IL1RAPL2: variants seen among roughly 807,000 people sequenced by gnomAD.
The protein encoded by IL1RAPL2 is interleukin 1 receptor accessory protein like 2.
Under a neutral mutation model 44.1 loss-of-function variants are expected in IL1RAPL2, and 3 were observed. That is an observed-to-expected ratio of 0.07 (90% CI 0.03 to 0.18). The LOEUF (loss-of-function observed/expected upper bound fraction) is 0.18, where lower values mean the gene tolerates loss of function less well. Among genes scored for constraint, IL1RAPL2 ranks in the 10% least tolerant of loss-of-function variants. IL1RAPL2 has a pLI of 1.00. For missense variants in IL1RAPL2, 391 were observed against 496.4 expected (o/e 0.79, Z 2.02); for synonymous variants, 181 against 178.8 (o/e 1.01, Z -0.10).
intron 2 of IL1RAPL2, among the ~76,000 whole-genome samples, chrX:105,144,576 C>A (rs1293297537): frequency 9.0e-6 from 1 of 111,470 alleles, no homozygotes; most frequent in East Asian, 2.8e-4. Flanking sequence ...CTATCACTCA[C>A]CATCTTCTTA....
At chrX:105,394,751 CT>C (rs1311401843) in intron 5 of IL1RAPL2, among the ~76,000 whole-genome samples, 2 of 111,285 alleles carry the variant, frequency 1.8e-5, no homozygotes, top group South Asian at 7.5e-4. Context: ...TTCTGTTCTG[CT>C]TAACCTGATT....
chrX:105,614,488 T>C lies in IL1RAPL2; in HGVS notation c.773-102879T>C, dbSNP rs916553587. Among the ~76,000 whole-genome samples, 5 of 111,218 alleles carry C rather than the reference T, an allele frequency of 4.5e-5. No homozygotes were observed. The Admixed American group carries it at 4.8e-4, about 11-fold the overall frequency. ...GGACCCATAGATCAGTGGACCAGAA[T>C]AGAGGACCCAGAAATTTACATCCAC... On this transcript the variant is annotated intron_variant, in intron 6 of 10. Coordinates refer to ENST00000372582, the MANE Select transcript of IL1RAPL2 (RefSeq NM_017416.2).
At chrX:105,728,304 C>A (rs1400459026) in intron 7 of IL1RAPL2, among the ~76,000 whole-genome samples, 1 of 111,525 alleles carries the variant, frequency 9.0e-6, no homozygotes, top group African/African-American at 3.3e-5. Context: ...AGAGTGGCTT[C>A]TTTCACTTAG....
chrX:105,536,413 G>T (rs2036677392), intron 6 of IL1RAPL2, among the ~76,000 whole-genome samples: 1 of 88,926 alleles, frequency 1.1e-5, no homozygotes, highest in Non-Finnish European at 2.2e-5. Flanking sequence ...AATGTTAATT[G>T]ATTTTATATG....
At chrX:105,029,869 C>A (rs2031452282) in intron 2 of IL1RAPL2, among the ~76,000 whole-genome samples, 1 of 111,638 alleles carries the variant, frequency 9.0e-6, no homozygotes, top group East Asian at 2.8e-4. Context: ...GCCCCACCAA[C>A]AGTGTAAAAG....
At chrX:104,743,530 A>G (rs746086270) in intron 2 of IL1RAPL2, among the ~76,000 whole-genome samples, 2 of 110,670 alleles carry the variant, frequency 1.8e-5, no homozygotes, top group African/African-American at 6.6e-5. Context: ...AAAAACTTCA[A>G]ATGCTCTCTG....
chrX:105,157,173 A>T (rs2033277149), intron 2 of IL1RAPL2, among the ~76,000 whole-genome samples: 1 of 110,013 alleles, frequency 9.1e-6, no homozygotes, highest in Admixed American at 9.8e-5. Flanking sequence ...AATTTCAAGA[A>T]CTAAGGGCAG....
intron 5 of IL1RAPL2, among the ~76,000 whole-genome samples, chrX:105,369,939 A>T (rs115404554): frequency 0.046 from 5,122 of 111,750 alleles, 303 homozygotes; most frequent in African/African-American, 0.16. Flanking sequence ...CCATATATCT[A>T]TTCTGTTTTA....
At chrX:105,132,486 G>A in intron 2 of IL1RAPL2, among the ~76,000 whole-genome samples, 1 of 110,157 alleles carries the variant, frequency 9.1e-6, no homozygotes, top group Non-Finnish European at 1.9e-5. Context: ...GATTTTCAGG[G>A]GAAAAAAAAC....
At chrX:105,078,800 C>T (rs1397437581) in intron 2 of IL1RAPL2, among the ~76,000 whole-genome samples, 12 of 111,835 alleles carry the variant, frequency 1.1e-4, no homozygotes, top group African/African-American at 1.6e-4. Context: ...TAGCAATGAG[C>T]GAGGCTCCAT....
intron 2 of IL1RAPL2, among the ~76,000 whole-genome samples, chrX:104,726,761 T>G (rs1213238876): frequency 9.0e-6 from 1 of 111,073 alleles, no homozygotes; most frequent in Non-Finnish European, 1.9e-5. Context: ...AAGTTGCTTA[T>G]CAGCTTAAGG....
intron 2 of IL1RAPL2, among the ~76,000 whole-genome samples, chrX:105,036,388 TTC>T (rs979210086): frequency 8.9e-6 from 1 of 111,855 alleles, no homozygotes; most frequent in African/African-American, 3.2e-5. Context: ...ACATCTTGGC[TTC>T]TCTGGCTCAT....
At chrX:105,526,884 A>G (rs1481939033) in intron 6 of IL1RAPL2, among the ~76,000 whole-genome samples, 1 of 111,510 alleles carries the variant, frequency 9.0e-6, no homozygotes, top group Non-Finnish European at 1.9e-5. Context: ...CGTGTATATC[A>G]AAGTTTGATG....
chrX:105,318,816 T>G (rs2147686255), intron 5 of IL1RAPL2, among the ~76,000 whole-genome samples: 1 of 111,726 alleles, frequency 9.0e-6, no homozygotes, highest in South Asian at 3.8e-4. Context: ...ATGAGTTGCA[T>G]TTGCTTTCCA....
chrX:104,809,906 A>G (rs1932960224), intron 2 of IL1RAPL2, among the ~76,000 whole-genome samples: 1 of 111,042 alleles, frequency 9.0e-6, no homozygotes, highest in African/African-American at 3.3e-5. Flanking sequence ...CAGCCATCCC[A>G]TTACTGGGTA....
In IL1RAPL2 at chrX:104,695,650, C is replaced by T. The variant is rs762574818; in HGVS notation, c.82+36655C>T. Among the ~76,000 whole-genome samples, 43 of 110,134 alleles carry T rather than the reference C, an allele frequency of 3.9e-4. No individual in the cohort carries two copies. The South Asian group carries it at 0.017, about 43-fold the overall frequency. On this transcript the variant is annotated intron_variant, in intron 2 of 10. Transcript: ENST00000372582. ...CAGATGAAATCCACTTTTCAGAATA[C>T]GGGACTAATATTGAGCTGAGGTATT... is the stretch of plus-strand genomic sequence containing the variant.
intron 6 of IL1RAPL2, among the ~76,000 whole-genome samples, chrX:105,656,754 C>G (rs1210231584): frequency 1.8e-5 from 2 of 111,638 alleles, no homozygotes; most frequent in African/African-American, 6.5e-5. Context: ...ACAGGGTGTA[C>G]AGTTGACAAA....
intron 6 of IL1RAPL2, among the ~76,000 whole-genome samples, chrX:105,604,844 A>G (rs1162050331): frequency 9.0e-6 from 1 of 111,444 alleles, no homozygotes; most frequent in Non-Finnish European, 1.9e-5. Context: ...AATTCAATAA[A>G]TGTTATATGT....
intron 1 of IL1RAPL2, among the ~76,000 whole-genome samples, chrX:104,629,720 G>A (rs902899975): frequency 4.5e-5 from 5 of 111,070 alleles, no homozygotes; most frequent in African/African-American, 9.8e-5. Context: ...GTGAGAGATA[G>A]GGATCCAGTT....
Sources: gnomAD v4.1 joint callset for allele counts (sites outside exome capture counted in the v4.1 genomes callset) on GRCh38, gnomAD v4.1.1 for gene constraint, MANE v1.5 for transcripts, NCBI Gene and HGNC (gene_info 2026-07-23, HGNC 2026-07-21) for gene names.